Variants in PIEZO1 observed in about 807,000 individuals in gnomAD.
The protein encoded by PIEZO1 is piezo-type mechanosensitive ion channel component 1.
In PIEZO1, 296 loss-of-function variants were observed where a neutral mutation model predicts 297.2. The observed-to-expected ratio is 1.00, with a 90% confidence interval of 0.91 to 1.10. The LOEUF is 1.10. PIEZO1 is among the 50% of genes least tolerant of loss of function. The pLI is 0.00. For missense variants in PIEZO1, 5,018 were observed against 3,455.5 expected (o/e 1.45, Z -11.34); for synonymous variants, 2,427 against 1,507.5 (o/e 1.61, Z -14.13).
rs1468842821 is a variant in PIEZO1, at chr16:88,721,221, T to C, written c.5613A>G (p.Leu1871=). The C allele has an allele frequency of 6.5e-7, 1 of 1,536,536 alleles. No individual in the cohort carries two copies. The highest frequency in any genetic ancestry group is 8.7e-7 in the Non-Finnish European group (1 of 1,144,138). The stretch of plus-strand genomic sequence containing the variant: ...CCTCCTTCTTCCTTCTTCTAAAACG[T>C]AGACTGATGCGCCTCGTATCACGGG... The part of the protein sequence containing the change: ...LRPRDTRRIS[L]RFRRRKKEGP... The change falls in exon 39 of 51, where the codon CTA becomes CTG. Residue 1871 remains leucine, a synonymous_variant. Transcript: ENST00000301015.
intron 44 of PIEZO1, 35 bp downstream of exon 44, chr16:88,719,539 G>C (rs1161052946): frequency 1.3e-6 from 2 of 1,535,958 alleles, no homozygotes; most frequent in Admixed American, 2.0e-5. Flanking sequence ...CATATCCCTG[G>C]CCCTTGTCCC....
At chr16:88,754,862 G>C (rs1172910214) in intron 1 of PIEZO1, among the ~76,000 whole-genome samples, 1 of 152,246 alleles carries the variant, frequency 6.6e-6, no homozygotes, top group African/African-American at 2.4e-5. Flanking sequence ...TCACAGAGCA[G>C]GCAGAGACGA....
intron 2 of PIEZO1, chr16:88,743,013 G>T (rs912329139): frequency 4.4e-6 from 2 of 454,764 alleles, no homozygotes; most frequent in Non-Finnish European, 8.9e-6. Context: ...GGCATTTCAG[G>T]CACCTGCTGT....
chr16:88,733,931 G>A lies in PIEZO1; in HGVS notation c.2304C>T (p.Pro768=), dbSNP rs1905041335. The change falls in exon 17 of 51, where the codon CCC becomes CCT. Residue 768 remains proline, a synonymous_variant. Coordinates refer to ENST00000301015, the MANE Select transcript of PIEZO1 (RefSeq NM_001142864.4). ...CTTCAGGCACCTGCGTGGCCTGGTGGGGAGTGGCCACGCCCAGCCCCTCGT... is the reference window on the plus strand; with the variant it reads ...CTTCAGGCACCTGCGTGGCCTGGTGAGGAGTGGCCACGCCCAGCCCCTCGT... ...SRDEGLGVAT[P]HQATQVPEGA... 1.3e-6 allele frequency: 2 copies of A among 1,532,378 alleles called. No individual in the cohort carries two copies. Among genetic ancestry groups the A allele is most frequent in the Admixed American group, 2.0e-5 (1 of 49,850 alleles). The allele number at this position is 1,532,378 out of a possible 1,614,324, so 94.9% of individuals were successfully genotyped here. A position where few individuals can be genotyped will look rare whatever the true frequency, so the allele number is the denominator to read the frequency against.
chr16:88,766,663 C>G (rs561906406), intron 1 of PIEZO1, among the ~76,000 whole-genome samples: 26 of 152,324 alleles, frequency 1.7e-4, no homozygotes, highest in Admixed American at 3.3e-4. Context: ...CGGGGGCCCC[C>G]ACACATACTC....
intron 31 of PIEZO1, 88 bp downstream of exon 31, chr16:88,723,782 TG>T: frequency 2.8e-6 from 2 of 721,296 alleles, no homozygotes; most frequent in Non-Finnish European, 2.4e-6. Flanking sequence ...TCCCAGGCCC[TG>T]GGGGCATCTG....
At chr16:88,746,944 GCCCACCCAC>G (rs1469465795) in intron 2 of PIEZO1, among the ~76,000 whole-genome samples, 1 of 152,182 alleles carries the variant, frequency 6.6e-6, no homozygotes, top group African/African-American at 2.4e-5. Context: ...GAGTGGGGGT[GCCCACCCAC>G]CCCAGCCATG....
chr16:88,716,852 G>T lies in PIEZO1; in HGVS notation c.6707C>A (p.Thr2236Lys). ...GGACAGCTCCTCATAGGCCTGGGCC[G>T]TGAAGGGGATGATGGACGGCTGCTG... ...SAQQPSIIPF[T>K]AQAYEELSRQ... Residue 2236 changes from threonine (T) to lysine (K), a missense_variant, in exon 46 of 51, where the codon ACG becomes AAG. Transcript: ENST00000301015. 1.3e-6 allele frequency: 2 copies of T among 1,550,144 alleles called. No homozygotes were observed. Among genetic ancestry groups the T allele is most frequent in the Non-Finnish European group, 1.7e-6 (2 of 1,146,964 alleles).
Position 88,718,918 on chromosome 16 carries a change from A to G in PIEZO1, c.6471+656T>C, listed in dbSNP as rs187682361. 3 of 154,480 alleles carry G rather than the reference A, an allele frequency of 1.9e-5. No homozygotes were observed. The Admixed American group carries it at 2.0e-4, about 10-fold the overall frequency. 9.6% of individuals were successfully genotyped at this position (154,480 alleles called of 1,614,324 possible). A position where few individuals can be genotyped will look rare whatever the true frequency, so the allele number is the denominator to read the frequency against. On this transcript the variant is annotated intron_variant, in intron 44 of 50. Transcript: ENST00000301015. ...GAGAGTCTCACTCACTATGTTGCCC[A>G]GGCTGGTCTTAAAACTCCTGGCCTC...
intron 2 of PIEZO1, among the ~76,000 whole-genome samples, chr16:88,746,064 T>C (rs74033388): frequency 0.022 from 3,330 of 150,480 alleles, 114 homozygotes; most frequent in African/African-American, 0.076. Context: ...GGGAGCCCCC[T>C]GGAACCTGAT....
chr16:88,780,947 CCT>C (rs956943058), intron 1 of PIEZO1, among the ~76,000 whole-genome samples: 8 of 152,176 alleles, frequency 5.3e-5, no homozygotes, highest in African/African-American at 1.9e-4. Context: ...ACAGAGTGAG[CCT>C]CTGTCTTTAA....
chr16:88,785,188 AC>A lies in PIEZO1; in HGVS notation c.-225del, dbSNP rs1177289222. 2.7e-5 allele frequency: 7 copies of A among 260,786 alleles called. No individual in the cohort carries two copies. The highest frequency in any genetic ancestry group is 5.0e-5 in the Non-Finnish European group (7 of 140,440). The allele number at this position is 260,786 out of a possible 1,614,324, so 16.2% of individuals were successfully genotyped here. On this transcript the variant is annotated 5_prime_UTR_variant, in exon 1 of 51. It adds an upstream start codon to the 5' untranslated region. Transcript: ENST00000301015. ...CTCGGCGGAGCGCAGCGCTCGGCTCACTGGGGCCGAGCTGGGCCGGACGGCG... is the reference window on the plus strand; with the variant it reads ...CTCGGCGGAGCGCAGCGCTCGGCTCATGGGGCCGAGCTGGGCCGGACGGCG...
intron 1 of PIEZO1, among the ~76,000 whole-genome samples, chr16:88,750,308 C>A (rs1273348056): frequency 1.3e-5 from 2 of 152,234 alleles, no homozygotes; most frequent in Non-Finnish European, 2.9e-5. Context: ...TGCACTCCAG[C>A]CTGGGCGACA....
intron 44 of PIEZO1, chr16:88,719,363 G>C: frequency 1.8e-6 from 1 of 570,126 alleles, no homozygotes; most frequent in Non-Finnish European, 3.1e-6. Flanking sequence ...GACCAACTCC[G>C]CTGCCCACTT....
intron 2 of PIEZO1, chr16:88,742,633 C>A (rs55905441): frequency 1.1e-5 from 6 of 558,168 alleles, no homozygotes; most frequent in Non-Finnish European, 1.9e-5. Context: ...GCCGGGCATC[C>A]TCCTGGGGGT....
intron 2 of PIEZO1, chr16:88,743,118 G>C (rs1250196607): frequency 2.2e-6 from 1 of 456,538 alleles, no homozygotes; most frequent in Non-Finnish European, 4.4e-6. Flanking sequence ...TGGCAGCCTT[G>C]TCCTGCTCCC....
chr16:88,722,633 G>A lies in PIEZO1; in HGVS notation c.4725C>T (p.Ala1575=), dbSNP rs188534149. 17 of 1,538,478 alleles carry A rather than the reference G, an allele frequency of 1.1e-5. No homozygotes were observed. In the African/African-American group the frequency reaches 2.1e-4, roughly 19 times the overall value. The change falls in exon 35 of 51, where the codon GCC becomes GCT. Residue 1575 remains alanine (A), a synonymous_variant. Transcript: ENST00000301015. ...GGGCCTCGGTGGGGCCTGGCAGCGT[G>A]GCCTCGGCCTGGCTTGTGTACAGCT... ...LDQLYTSQAE[A]TLPGPTEAPN...
intron 1 of PIEZO1, among the ~76,000 whole-genome samples, chr16:88,773,472 G>C (rs1907518818): frequency 6.6e-6 from 1 of 152,242 alleles, no homozygotes; most frequent in Admixed American, 6.5e-5. Flanking sequence ...ACGTGGCCCT[G>C]CACAGCCTGG....
intron 1 of PIEZO1, among the ~76,000 whole-genome samples, chr16:88,784,611 A>G (rs1047229709): frequency 1.3e-5 from 2 of 151,630 alleles, no homozygotes; most frequent in African/African-American, 4.8e-5. Context: ...GCCCCGGCGG[A>G]GACGCCAGCC....
Sources: gnomAD v4.1 joint callset for allele counts (sites outside exome capture counted in the v4.1 genomes callset) on GRCh38, gnomAD v4.1.1 for gene constraint, MANE v1.5 for transcripts, NCBI Gene and HGNC (gene_info 2026-07-23, HGNC 2026-07-21) for gene names.